MAPKAPK5: variants seen among roughly 807,000 people sequenced by gnomAD.
MAPKAPK5 encodes MAP kinase-activated protein kinase 5.
Under a neutral mutation model 65.1 loss-of-function variants are expected in MAPKAPK5, and 30 were observed. The ratio of observed to expected loss-of-function variants is 0.46; its 90% CI spans 0.34 to 0.63. The LOEUF is 0.63. Among genes scored for constraint, MAPKAPK5 ranks in the 20% least tolerant of loss-of-function variants. The pLI, the probability that MAPKAPK5 is intolerant of heterozygous loss-of-function variation, is 0.01. For synonymous variants in MAPKAPK5, 179 were observed against 204.6 expected (o/e 0.87, Z 1.07); for missense variants, 433 against 581.4 (o/e 0.74, Z 2.63).
intron 1 of MAPKAPK5, among the ~76,000 whole-genome samples, chr12:111,847,240 C>T (rs917408647): frequency 8.0e-5 from 12 of 150,476 alleles, no homozygotes; most frequent in Admixed American, 4.0e-4. Flanking sequence ...CCCAGCTACT[C>T]GGGAGGCTGA....
intron 3 of MAPKAPK5, among the ~76,000 whole-genome samples, chr12:111,866,597 G>A (rs2069620997): frequency 6.6e-6 from 1 of 152,176 alleles, no homozygotes; most frequent in Non-Finnish European, 1.5e-5. Context: ...GGAGGACTCT[G>A]AGGATGTTTC....
intron 8 of MAPKAPK5, chr12:111,882,676 G>C (rs2070276460): frequency 3.1e-6 from 1 of 319,454 alleles, no homozygotes; most frequent in Non-Finnish European, 4.5e-6. Flanking sequence ...GTTGGTAGCA[G>C]TTTTCTTTTT....
intron 1 of MAPKAPK5, among the ~76,000 whole-genome samples, chr12:111,850,921 A>C (rs1296526043): frequency 7.2e-6 from 1 of 139,664 alleles, no homozygotes; most frequent in Non-Finnish European, 1.5e-5. Flanking sequence ...TTTTTTTGAG[A>C]GGAGTCTCGC....
chr12:111,874,405 A>G lies in MAPKAPK5; in HGVS notation c.579+3225A>G, dbSNP rs1290287729. 2.0e-5 allele frequency among the ~76,000 whole-genome samples: 3 copies of G among 152,014 alleles called. No homozygotes were observed. The East Asian group carries it at 5.8e-4, about 29-fold the overall frequency. ...AGTGAAACTGCGTCTCAAAAAAAAA[A>G]AAATTCATTTTCTAATTTTAACTAG... On this transcript the variant is annotated intron_variant, in intron 7 of 13. Coordinates refer to ENST00000550735, the MANE Select transcript of MAPKAPK5 (RefSeq NM_003668.4).
intron 1 of MAPKAPK5, among the ~76,000 whole-genome samples, chr12:111,850,050 A>T (rs1322757965): frequency 2.7e-5 from 4 of 150,180 alleles, no homozygotes; most frequent in Non-Finnish European, 5.9e-5. Context: ...TTTTTCATAG[A>T]TGGAGACTTG....
At chr12:111,857,244 C>CTTTTTTTTTTTTT (rs1347172253) in intron 1 of MAPKAPK5, among the ~76,000 whole-genome samples, 1 of 140,384 alleles carries the variant, frequency 7.1e-6, no homozygotes, top group African/African-American at 2.6e-5. Flanking sequence ...TTTCTTTTTT[C>CTTTTTTTTTTTTT]TTTTTTTTTT....
At chr12:111,877,171 C>G (rs1393927612) in intron 7 of MAPKAPK5, among the ~76,000 whole-genome samples, 1 of 152,164 alleles carries the variant, frequency 6.6e-6, no homozygotes, top group Admixed American at 6.5e-5. Flanking sequence ...GCATGTGCCA[C>G]CACGCCCGGC....
Position 111,849,007 on chromosome 12 carries a change from G to T in MAPKAPK5, c.36+6238G>T, listed in dbSNP as rs562673063. Among the ~76,000 whole-genome samples the T allele has an allele frequency of 1.8e-4, 27 of 152,048 alleles. No homozygotes were observed. In the East Asian group the frequency reaches 5.2e-3, roughly 29 times the overall value. On this transcript the variant is annotated intron_variant, in intron 1 of 13. Transcript: ENST00000550735. Reference sequence around the variant, plus strand: ...TCGTACTTCTGACCTCAAGTGATCCGCCTGCCTTGGCCTCCCAAAGTGCTG... The same window carrying T: ...TCGTACTTCTGACCTCAAGTGATCCTCCTGCCTTGGCCTCCCAAAGTGCTG...
chr12:111,869,349 G>C (rs1359517481), intron 5 of MAPKAPK5, among the ~76,000 whole-genome samples: 1 of 152,036 alleles, frequency 6.6e-6, no homozygotes, highest in Non-Finnish European at 1.5e-5. Context: ...AATTATTCCT[G>C]GTTATATTCT....
At chr12:111,852,240 T>A (rs1847847756) in intron 1 of MAPKAPK5, among the ~76,000 whole-genome samples, 2 of 152,244 alleles carry the variant, frequency 1.3e-5, no homozygotes, top group South Asian at 4.2e-4. Context: ...GAAATGAGGA[T>A]GTATTTTTGT....
At chr12:111,878,311 G>A (rs1041997441) in intron 7 of MAPKAPK5, among the ~76,000 whole-genome samples, 7 of 152,032 alleles carry the variant, frequency 4.6e-5, no homozygotes, top group Non-Finnish European at 1.5e-5. Context: ...TCCATGTTGA[G>A]TCAATTTTTA....
chr12:111,853,068 C>G (rs758578589), intron 1 of MAPKAPK5, among the ~76,000 whole-genome samples: 1 of 152,158 alleles, frequency 6.6e-6, no homozygotes, highest in Non-Finnish European at 1.5e-5. Flanking sequence ...GCCACTGTGT[C>G]CAGCCTGATA....
chr12:111,849,826 CCCT>C (rs960723982), intron 1 of MAPKAPK5, among the ~76,000 whole-genome samples: 2 of 152,014 alleles, frequency 1.3e-5, no homozygotes, highest in African/African-American at 4.8e-5. Context: ...AAGTGATTCT[CCCT>C]CCTCAGCCTC....
chr12:111,850,899 CTTTT>C (rs1028992831), intron 1 of MAPKAPK5, among the ~76,000 whole-genome samples: 4 of 126,074 alleles, frequency 3.2e-5, no homozygotes, highest in Admixed American at 7.9e-5. Flanking sequence ...AACCCATTTT[CTTTT>C]TTTTTTTTTT....
intron 5 of MAPKAPK5, 126 bp downstream of exon 5, chr12:111,868,987 T>C: frequency 2.8e-6 from 2 of 703,160 alleles, no homozygotes; most frequent in Non-Finnish European, 2.4e-6. Context: ...TGCTTTGTTA[T>C]GTAATCAGAA....
chr12:111,871,028 T>C, intron 6 of MAPKAPK5, 57 bp from the exon 7 acceptor site: 1 of 1,330,574 alleles, frequency 7.5e-7, no homozygotes. Context: ...ACCTGGATTT[T>C]CCTTTAATGT....
chr12:111,856,619 C>T (rs923885909), intron 1 of MAPKAPK5, among the ~76,000 whole-genome samples: 1 of 152,050 alleles, frequency 6.6e-6, no homozygotes, highest in Non-Finnish European at 1.5e-5. Context: ...TTTGGCCAGG[C>T]TGGTCTCAAA....
chr12:111,848,205 G>A (rs1457653431), intron 1 of MAPKAPK5, among the ~76,000 whole-genome samples: 2 of 152,190 alleles, frequency 1.3e-5, no homozygotes, highest in African/African-American at 2.4e-5. Flanking sequence ...CACTGGCAGT[G>A]TTTGAAAGTC....
At chr12:111,882,232 T>C (rs1207684346) in intron 8 of MAPKAPK5, among the ~76,000 whole-genome samples, 1 of 152,084 alleles carries the variant, frequency 6.6e-6, no homozygotes, top group East Asian at 1.9e-4. Flanking sequence ...TACAAAAAAT[T>C]AGCCGGGTGT....
Sources: gnomAD v4.1 joint callset for allele counts (sites outside exome capture counted in the v4.1 genomes callset) on GRCh38, gnomAD v4.1.1 for gene constraint, MANE v1.5 for transcripts, NCBI Gene and HGNC (gene_info 2026-07-23, HGNC 2026-07-21) for gene names.